The following RAPGEF4 variants were observed in gnomAD, a reference collection of about 807,000 sequenced individuals.
RAPGEF4 encodes the protein Rap guanine nucleotide exchange factor 4, also known as RAP guanine-nucleotide-exchange factor (GEF) 4.
In RAPGEF4, 66 loss-of-function variants were observed where a neutral mutation model predicts 147.9. That is an observed-to-expected ratio of 0.45 (90% CI 0.37 to 0.55). RAPGEF4 has a LOEUF of 0.55. Among genes scored for constraint, RAPGEF4 ranks in the 20% least tolerant of loss-of-function variants. RAPGEF4 has a pLI of 0.00. For missense variants in RAPGEF4, 1,071 were observed against 1,257.3 expected, an observed-to-expected ratio of 0.85 and a Z score of 2.24; for synonymous variants, 419 against 442.7, an observed-to-expected ratio of 0.95 and a Z score of 0.67.
At chr2:172,761,894 TAGGTGGATCACG>T (rs1696382082) in intron 1 of RAPGEF4, among the ~76,000 whole-genome samples, 1 of 151,756 alleles carries the variant, frequency 6.6e-6, no homozygotes. Context: ...GAGGCCGAGG[TAGGTGGATCACG>T]AGGTCAGGAG....
At chr2:172,853,206 G>A (rs1401949377) in intron 4 of RAPGEF4, among the ~76,000 whole-genome samples, 1 of 151,924 alleles carries the variant, frequency 6.6e-6, no homozygotes, top group Non-Finnish European at 1.5e-5. Context: ...AAGTCATGTA[G>A]GATTGATATT....
chr2:172,814,420 T>C lies in RAPGEF4; in HGVS notation c.439T>C (p.Trp147Arg), dbSNP rs1688304851. 1.2e-6 allele frequency: 2 copies of C among 1,614,020 alleles called. No individual in the cohort carries two copies. Among genetic ancestry groups the C allele is most frequent in the Non-Finnish European group, 8.5e-7 (1 of 1,180,006 alleles). Residue 147 changes from tryptophan (W) to arginine (R), a missense_variant, in exon 4 of 31, where the codon TGG becomes CGG. Trp to Arg is a moderately radical substitution (Grantham distance 101, BLOSUM62 -3). Transcript: ENST00000397081. The part of the protein sequence containing the change: ...RIEQKDFKAL[W>R]EKYRQYMAGL... ...CGAGCAGAAGGACTTCAAGGCACTA[T>C]GGGAGGTGAGCCCTAAGGCTTCTTT...
Position 172,930,198 on chromosome 2 carries a change from C to T in RAPGEF4, c.537+7898C>T, listed in dbSNP as rs904826844. Among the ~76,000 whole-genome samples the T allele has an allele frequency of 5.3e-5, 8 of 152,164 alleles. No individual in the cohort carries two copies. The East Asian group carries it at 1.2e-3, about 22-fold the overall frequency. On this transcript the variant is annotated intron_variant, in intron 6 of 30. Transcript: ENST00000397081. ...TGCATGAACACAGGAAAAGAGTACCCGAATTTTCTCTTCTGAATTATTTTG... is the reference window on the plus strand; with the variant it reads ...TGCATGAACACAGGAAAAGAGTACCTGAATTTTCTCTTCTGAATTATTTTG...
intron 4 of RAPGEF4, among the ~76,000 whole-genome samples, chr2:172,859,513 G>A (rs919217889): frequency 1.3e-5 from 2 of 152,218 alleles, no homozygotes; most frequent in African/African-American, 4.8e-5. Flanking sequence ...TTGCAACAAG[G>A]TTAATAATGA....
intron 26 of RAPGEF4, among the ~76,000 whole-genome samples, chr2:173,031,513 A>ATTAGTTGG (rs1166480928): frequency 3.6e-4 from 55 of 152,268 alleles, no homozygotes; most frequent in Admixed American, 9.8e-4. Context: ...CAGAGTCCAA[A>ATTAGTTGG]TTAGTTGGTT....
intron 8 of RAPGEF4, among the ~76,000 whole-genome samples, chr2:172,964,389 T>C (rs1388678088): frequency 1.4e-5 from 2 of 147,212 alleles, no homozygotes; most frequent in African/African-American, 5.0e-5. Flanking sequence ...GAGGCCATCA[T>C]TTGCTCCTCC....
At chr2:172,879,453 G>A (rs1696354186) in intron 4 of RAPGEF4, among the ~76,000 whole-genome samples, 1 of 152,130 alleles carries the variant, frequency 6.6e-6, no homozygotes, top group Non-Finnish European at 1.5e-5. Flanking sequence ...AGCAAAGAGA[G>A]GAATTGGGGT....
At position 172,983,731 on chromosome 2, in the gene RAPGEF4, T is replaced by A; in HGVS notation, c.1089+151T>A. 2 of 1,404,422 alleles carry A rather than the reference T, an allele frequency of 1.4e-6. 1 individual carries two copies. Among genetic ancestry groups the A allele is most frequent in the South Asian group, 3.3e-5 (2 of 60,516 alleles). 87.0% of individuals were successfully genotyped at this position (1,404,422 alleles called of 1,614,324 possible). Reference sequence around the variant, plus strand: ...ACTCTCTTACGAGATGCTGAGGAAGTTATACCCAAGAACAATCACTGAAAG... The same window carrying A: ...ACTCTCTTACGAGATGCTGAGGAAGATATACCCAAGAACAATCACTGAAAG... On this transcript the variant is annotated intron_variant, in intron 11 of 30. Coordinates refer to ENST00000397081, the MANE Select transcript of RAPGEF4 (RefSeq NM_007023.4).
chr2:172,783,597 T>A (rs1007825479), intron 1 of RAPGEF4, among the ~76,000 whole-genome samples: 1 of 152,112 alleles, frequency 6.6e-6, no homozygotes, highest in Non-Finnish European at 1.5e-5. Flanking sequence ...AAGGGGTTTT[T>A]TTCTGAGAGT....
intron 6 of RAPGEF4, among the ~76,000 whole-genome samples, chr2:172,956,562 C>T (rs772023866): frequency 5.9e-5 from 9 of 151,642 alleles, no homozygotes; most frequent in African/African-American, 2.2e-4. Context: ...CTCCGCCTCC[C>T]GGGTTCACGC....
intron 17 of RAPGEF4, among the ~76,000 whole-genome samples, 172 bp from the exon 18 acceptor site, chr2:173,014,292 A>G (rs1695300025): frequency 6.6e-6 from 1 of 152,174 alleles, no homozygotes; most frequent in South Asian, 2.1e-4. Flanking sequence ...AAGGAATTGC[A>G]TGCATTCGGC....
intron 4 of RAPGEF4, among the ~76,000 whole-genome samples, chr2:172,888,128 G>A (rs964173602): frequency 2.6e-5 from 4 of 152,222 alleles, no homozygotes; most frequent in Non-Finnish European, 4.4e-5. Flanking sequence ...ATAACTGGGG[G>A]TGTTGAATAT....
rs367621160 is a variant in RAPGEF4, at chr2:172,904,501, T to C, written c.445-13301T>C. Among the ~76,000 whole-genome samples the C allele has an allele frequency of 9.7e-4, 147 of 152,302 alleles. No individual in the cohort carries two copies. In the South Asian group the frequency reaches 0.017, roughly 18 times the overall value. ...GAGCTTCTGTAAGAGAAGCTTATGGTTGATTAATTACTCAAATATACAAAG... is the reference window on the plus strand; with the variant it reads ...GAGCTTCTGTAAGAGAAGCTTATGGCTGATTAATTACTCAAATATACAAAG... On this transcript the variant is annotated intron_variant, in intron 4 of 30. Transcript: ENST00000397081.
At position 172,857,986 on chromosome 2, in the gene RAPGEF4, A is replaced by G. The variant is rs34148615; in HGVS notation, c.444+43561A>G. On this transcript the variant is annotated intron_variant, in intron 4 of 30. Transcript: ENST00000397081. ...GTGATTCTTTTAGTGACTAAAATAA[A>G]GAGAACTTTTAGAGGAAGGTAATAT... Among the ~76,000 whole-genome samples the G allele has an allele frequency of 7.9e-3, 1,200 of 151,540 alleles. 13 individuals are homozygous for G. The highest frequency in any genetic ancestry group is 0.027 in the African/African-American group (1,133 of 41,322).
intron 3 of RAPGEF4, among the ~76,000 whole-genome samples, chr2:172,803,493 T>C (rs1481769551): frequency 6.6e-6 from 1 of 152,154 alleles, no homozygotes; most frequent in Admixed American, 6.5e-5. Flanking sequence ...ATAGCACCAG[T>C]ACCCTGGGCT....
intron 1 of RAPGEF4, 84 bp from the exon 2 acceptor site, chr2:172,794,941 G>T: frequency 7.6e-7 from 1 of 1,321,288 alleles, no homozygotes; most frequent in East Asian, 2.4e-5. Context: ...GGGTAAATTT[G>T]AATATAATTA....
Position 172,927,136 on chromosome 2 carries a change from A to G in RAPGEF4, c.537+4836A>G, listed in dbSNP as rs547251031. 2.0e-5 allele frequency among the ~76,000 whole-genome samples: 3 copies of G among 152,300 alleles called. No homozygotes were observed. The South Asian group carries it at 6.2e-4, about 32-fold the overall frequency. On this transcript the variant is annotated intron_variant, in intron 6 of 30. Transcript: ENST00000397081. ...AAAACTATGGGTCATTTATATGAAG[A>G]ATAAGTTTTAGAAATTATTATAAAG...
intron 6 of RAPGEF4, among the ~76,000 whole-genome samples, chr2:172,926,871 G>A (rs1263003932): frequency 6.6e-6 from 1 of 152,130 alleles, no homozygotes; most frequent in African/African-American, 2.4e-5. Context: ...CGCCCAGCCC[G>A]AGGTCCTCAT....
At chr2:172,807,186 A>G (rs1185026340) in intron 3 of RAPGEF4, among the ~76,000 whole-genome samples, 3 of 152,218 alleles carry the variant, frequency 2.0e-5, no homozygotes, top group Admixed American at 2.0e-4. Flanking sequence ...AGCATCCTGC[A>G]TCCTGCATTT....
Sources: allele counts gnomAD v4.1 joint callset (sites outside exome capture counted in the v4.1 genomes callset), GRCh38; gene constraint gnomAD v4.1.1; transcripts MANE v1.5; gene names NCBI Gene and HGNC (gene_info 2026-07-23, HGNC 2026-07-21).